DDX10: variants seen among roughly 807,000 people sequenced by gnomAD.
The protein encoded by DDX10 is DEAD-box helicase 10.
A neutral mutation model predicts 104.3 loss-of-function variants in DDX10; 74 were observed. That is an observed-to-expected ratio of 0.71 (90% CI 0.59 to 0.86). The LOEUF is 0.86. Ranked by LOEUF, DDX10 falls within the 40% of genes least tolerant of loss-of-function variation. The pLI is 0.00. For synonymous variants in DDX10, 351 were observed against 353.4 expected, an observed-to-expected ratio of 0.99 and a Z score of 0.08; for missense variants, 952 against 1,040.0, an observed-to-expected ratio of 0.92 and a Z score of 1.16.
At chr11:108,928,518 A>G (rs1048902871) in intron 17 of DDX10, among the ~76,000 whole-genome samples, 4 of 152,194 alleles carry the variant, frequency 2.6e-5, no homozygotes, top group Non-Finnish European at 5.9e-5. Context: ...CAGGGAAAGT[A>G]GTTTTGTGAA....
chr11:108,672,301 A>G (rs778352216), intron 1 of DDX10, among the ~76,000 whole-genome samples: 1 of 152,114 alleles, frequency 6.6e-6, no homozygotes, highest in Non-Finnish European at 1.5e-5. Context: ...TAGGCATTCC[A>G]TTCCCTTTGA....
At chr11:108,671,454 G>A (rs906582559) in intron 1 of DDX10, among the ~76,000 whole-genome samples, 2 of 152,168 alleles carry the variant, frequency 1.3e-5, no homozygotes, top group African/African-American at 2.4e-5. Context: ...GTGAGCCATC[G>A]TGCCTGGCTG....
At chr11:108,911,332 G>T (rs1317094274) in intron 16 of DDX10, among the ~76,000 whole-genome samples, 1 of 152,128 alleles carries the variant, frequency 6.6e-6, no homozygotes, top group Non-Finnish European at 1.5e-5. Context: ...GAAGTTAACT[G>T]CTTGCAGTTC....
chr11:108,830,331 G>C (rs984880625), intron 13 of DDX10, among the ~76,000 whole-genome samples: 1 of 152,142 alleles, frequency 6.6e-6, no homozygotes, highest in Non-Finnish European at 1.5e-5. Context: ...TTCTGAAAGA[G>C]GTTGAGTTCT....
chr11:108,855,217 CA>C (rs1470111244), intron 16 of DDX10, among the ~76,000 whole-genome samples: 1 of 152,138 alleles, frequency 6.6e-6, no homozygotes, highest in Non-Finnish European at 1.5e-5. Context: ...TAGCAATGAT[CA>C]ATAGACCACA....
intron 13 of DDX10, among the ~76,000 whole-genome samples, chr11:108,792,741 A>G (rs1199956941): frequency 1.3e-5 from 2 of 151,692 alleles, no homozygotes; most frequent in African/African-American, 4.8e-5. Context: ...GGTTCTTTTC[A>G]CGTCCGTATA....
At chr11:108,937,113 A>G (rs1177023597) in intron 17 of DDX10, among the ~76,000 whole-genome samples, 1 of 152,180 alleles carries the variant, frequency 6.6e-6, no homozygotes, top group Non-Finnish European at 1.5e-5. Context: ...CTTGAAGGAC[A>G]AGGGGAAGAC....
At chr11:108,894,398 A>T (rs963962095) in intron 16 of DDX10, among the ~76,000 whole-genome samples, 1 of 152,010 alleles carries the variant, frequency 6.6e-6, no homozygotes, top group Non-Finnish European at 1.5e-5. Context: ...ATATTAAAAG[A>T]TGTGTTTATA....
At chr11:108,686,297 C>A (rs931658194) in intron 6 of DDX10, among the ~76,000 whole-genome samples, 2 of 152,282 alleles carry the variant, frequency 1.3e-5, no homozygotes, top group South Asian at 2.1e-4. Flanking sequence ...TGGTGTGGTA[C>A]AGCCCATTGA....
chr11:108,934,842 C>T (rs185059442), intron 17 of DDX10, among the ~76,000 whole-genome samples: 61 of 152,222 alleles, frequency 4.0e-4, no homozygotes, highest in African/African-American at 1.4e-3. Flanking sequence ...ATATTAAAAA[C>T]GGAGGATTAG....
At chr11:108,841,088 G>T (rs1473541994) in intron 14 of DDX10, among the ~76,000 whole-genome samples, 1 of 152,220 alleles carries the variant, frequency 6.6e-6, no homozygotes, top group African/African-American at 2.4e-5. Flanking sequence ...ATTATTTGGT[G>T]AAATTTTCTT....
intron 2 of DDX10, among the ~76,000 whole-genome samples, chr11:108,674,808 C>T (rs1404738290): frequency 6.6e-6 from 1 of 152,200 alleles, no homozygotes; most frequent in Non-Finnish European, 1.5e-5. Context: ...GCCACCACGC[C>T]TGGCCTACAA....
At chr11:108,918,168 G>T in intron 17 of DDX10, 150 bp downstream of exon 17, 1 of 772,440 alleles carries the variant, frequency 1.3e-6, no homozygotes. Flanking sequence ...AAATCCTGCT[G>T]CTGTTTTTTT....
At chr11:108,762,462 A>C (rs1330517316) in intron 13 of DDX10, among the ~76,000 whole-genome samples, 3 of 152,216 alleles carry the variant, frequency 2.0e-5, no homozygotes, top group African/African-American at 7.2e-5. Flanking sequence ...GGGCATTATC[A>C]GTACAGATCA....
intron 13 of DDX10, among the ~76,000 whole-genome samples, chr11:108,777,630 C>A (rs1455290048): frequency 1.3e-5 from 2 of 152,032 alleles, no homozygotes; most frequent in East Asian, 3.9e-4. Flanking sequence ...GCCAAGGGTT[C>A]CTTTTTCACT....
chr11:108,754,228 A>G (rs78918276), intron 13 of DDX10, among the ~76,000 whole-genome samples: 3,226 of 152,162 alleles, frequency 0.021, 110 homozygotes, highest in African/African-American at 0.074. Flanking sequence ...TACAGTATAG[A>G]TTCCAAAGGC....
chr11:108,678,947 G>T (rs2094230417), intron 5 of DDX10, among the ~76,000 whole-genome samples: 1 of 144,656 alleles, frequency 6.9e-6, no homozygotes, highest in Admixed American at 7.2e-5. Context: ...CATGATCTCG[G>T]CTCATGGGTT....
At chr11:108,706,664 C>A in intron 9 of DDX10, 75 bp from the exon 10 acceptor site, 1 of 1,144,890 alleles carries the variant, frequency 8.7e-7, no homozygotes, top group Non-Finnish European at 1.3e-6. Flanking sequence ...TCCATGTTTA[C>A]CTATGCATCA....
chr11:108,767,400 A>G (rs557965668), intron 13 of DDX10: 42 of 152,286 alleles, frequency 2.8e-4, no homozygotes, highest in African/African-American at 1.0e-3. Context: ...ACTTGATAAC[A>G]TGTGGTGAGT....
Sources: gnomAD v4.1 joint callset for allele counts (sites outside exome capture counted in the v4.1 genomes callset) on GRCh38, gnomAD v4.1.1 for gene constraint, MANE v1.5 for transcripts, NCBI Gene and HGNC (gene_info 2026-07-23, HGNC 2026-07-21) for gene names.